Variants in ZPBP observed in about 807,000 individuals in gnomAD.
The protein encoded by ZPBP is zona pellucida-binding protein 1.
Under a neutral mutation model 44.8 loss-of-function variants are expected in ZPBP, and 26 were observed. That is an observed-to-expected ratio of 0.58 (90% CI 0.43 to 0.81). ZPBP has a LOEUF of 0.81. Ranked by LOEUF, ZPBP falls within the 30% of genes least tolerant of loss-of-function variation. ZPBP has a pLI of 0.00. For missense variants in ZPBP, 409 were observed against 434.0 expected (o/e 0.94, Z 0.51); for synonymous variants, 174 against 153.2 (o/e 1.14, Z -1.00).
intron 1 of ZPBP, among the ~76,000 whole-genome samples, chr7:50,091,512 T>C (rs1051713650): frequency 1.3e-5 from 2 of 152,184 alleles, no homozygotes; most frequent in Non-Finnish European, 2.9e-5. Flanking sequence ...GACTTAAATC[T>C]AGGACCTGAA....
intron 7 of ZPBP, among the ~76,000 whole-genome samples, chr7:49,951,841 G>A: frequency 6.6e-6 from 1 of 151,230 alleles, no homozygotes; most frequent in Admixed American, 6.6e-5. Context: ...AAATGTCCAT[G>A]GATAAACAAA....
chr7:49,869,139 T>C (rs1791030722), intron 2 of ZPBP, among the ~76,000 whole-genome samples: 1 of 152,198 alleles, frequency 6.6e-6, no homozygotes, highest in Non-Finnish European at 1.5e-5. Flanking sequence ...ACTAGTTATG[T>C]GCTTAAACAC....
chr7:49,970,545 A>G (rs1008431676), intron 7 of ZPBP, among the ~76,000 whole-genome samples: 1 of 137,232 alleles, frequency 7.3e-6, no homozygotes, highest in African/African-American at 2.8e-5. Context: ...TCTTCAGGAT[A>G]GATCATGTGC....
At chr7:49,879,342 T>C (rs1158408964) in intron 2 of ZPBP, among the ~76,000 whole-genome samples, 1 of 152,176 alleles carries the variant, frequency 6.6e-6, no homozygotes, top group Non-Finnish European at 1.5e-5. Context: ...TGTTTATTAA[T>C]TTTTATTATT....
At chr7:49,909,684 C>A (rs1038582978) in intron 1 of ZPBP, among the ~76,000 whole-genome samples, 1 of 152,038 alleles carries the variant, frequency 6.6e-6, no homozygotes, top group Non-Finnish European at 1.5e-5. Flanking sequence ...GGAGCTCAAG[C>A]GAGAAAGTAC....
chr7:49,883,409 G>GA (rs1272238600), intron 2 of ZPBP, among the ~76,000 whole-genome samples: 3 of 151,912 alleles, frequency 2.0e-5, no homozygotes, highest in Non-Finnish European at 2.9e-5. Context: ...AAACAATTTG[G>GA]AAAAAAGGTG....
At chr7:50,055,466 A>T (rs561232788) in intron 4 of ZPBP, among the ~76,000 whole-genome samples, 1 of 152,116 alleles carries the variant, frequency 6.6e-6, no homozygotes, top group Non-Finnish European at 1.5e-5. Flanking sequence ...ACATAGTAGG[A>T]TATCATAAAG....
chr7:50,091,626 C>T (rs1375635621), intron 1 of ZPBP, among the ~76,000 whole-genome samples: 2 of 152,178 alleles, frequency 1.3e-5, no homozygotes, highest in South Asian at 2.1e-4. Context: ...AGATTATAAG[C>T]TCCATTGATA....
At position 49,983,213 on chromosome 7, in the gene ZPBP, C is replaced by T. The variant is rs1458346878; in HGVS notation, c.961+129G>A. ...TCTTTAGATTCACTTTTCAAATACA[C>T]TACTTTAAATAAACTATGAAAAAAT... On this transcript the variant is annotated intron_variant, in intron 7 of 7. Coordinates refer to ENST00000046087, the MANE Select transcript of ZPBP (RefSeq NM_007009.3). 7.0e-6 allele frequency: 6 copies of T among 856,188 alleles called. No homozygotes were observed. The East Asian group carries it at 8.2e-5, about 12-fold the overall frequency. 53.0% of individuals were successfully genotyped at this position (856,188 alleles called of 1,614,324 possible). A position where few individuals can be genotyped will look rare whatever the true frequency, so the allele number is the denominator to read the frequency against.
At chr7:50,037,845 C>T (rs1021530822) in intron 4 of ZPBP, among the ~76,000 whole-genome samples, 1 of 152,180 alleles carries the variant, frequency 6.6e-6, no homozygotes, top group Non-Finnish European at 1.5e-5. Context: ...GTTCTTTCCC[C>T]ACCCAGCTTT....
intron 7 of ZPBP, among the ~76,000 whole-genome samples, chr7:49,970,412 A>G (rs1220405360): frequency 6.7e-6 from 1 of 149,068 alleles, no homozygotes; most frequent in Admixed American, 6.7e-5. Context: ...AACACTATAA[A>G]CCAATCAGAC....
intron 2 of ZPBP, among the ~76,000 whole-genome samples, chr7:49,867,694 G>C (rs1583710779): frequency 6.6e-6 from 1 of 152,094 alleles, no homozygotes; most frequent in Admixed American, 6.5e-5. Flanking sequence ...TGGACCCAAG[G>C]CTCACCTGTC....
intron 3 of ZPBP, among the ~76,000 whole-genome samples, chr7:50,068,101 G>A (rs973640008): frequency 5.0e-4 from 76 of 152,098 alleles, no homozygotes; most frequent in African/African-American, 1.8e-3. Flanking sequence ...CTCCTGGTTG[G>A]CCTCTTAGAG....
intron 4 of ZPBP, among the ~76,000 whole-genome samples, chr7:50,042,914 C>G (rs149798829): frequency 6.6e-6 from 1 of 152,074 alleles, no homozygotes; most frequent in African/African-American, 2.4e-5. Flanking sequence ...AACAAACCCC[C>G]AAATCTGGTC....
At chr7:50,048,953 G>A (rs1013905327) in intron 4 of ZPBP, among the ~76,000 whole-genome samples, 4 of 151,842 alleles carry the variant, frequency 2.6e-5, no homozygotes, top group African/African-American at 9.7e-5. Context: ...ACAAAAACAA[G>A]AGATAGAAGA....
At chr7:49,943,466 T>G (rs1185021725) in intron 7 of ZPBP, 1 of 455,282 alleles carries the variant, frequency 2.2e-6, no homozygotes, top group Non-Finnish European at 4.3e-6. Context: ...ACAGACCTCT[T>G]GCCAACATTT....
chr7:49,925,210 C>A (rs1031338849), intron 1 of ZPBP, among the ~76,000 whole-genome samples: 1 of 152,126 alleles, frequency 6.6e-6, no homozygotes, highest in African/African-American at 2.4e-5. Flanking sequence ...TTCCTATTAG[C>A]CTCTGGGTGG....
chr7:50,068,567 G>A (rs867988808), intron 3 of ZPBP, among the ~76,000 whole-genome samples: 21 of 151,986 alleles, frequency 1.4e-4, no homozygotes, highest in African/African-American at 3.1e-4. Flanking sequence ...CCACGACTGC[G>A]TTCACACCTG....
At chr7:50,005,823 ATGTGTGTGTG>A (rs71018444) in intron 6 of ZPBP, among the ~76,000 whole-genome samples, 2,170 of 144,880 alleles carry the variant, frequency 0.015, 47 homozygotes, top group African/African-American at 0.042. Flanking sequence ...ATAACTATAT[ATGTGTGTGTG>A]TGTGTGTGTG....
Sources: allele counts gnomAD v4.1 joint callset (sites outside exome capture counted in the v4.1 genomes callset), GRCh38; gene constraint gnomAD v4.1.1; transcripts MANE v1.5; gene names NCBI Gene and HGNC (gene_info 2026-07-23, HGNC 2026-07-21).